Variants in NEU3 observed in about 807,000 individuals in gnomAD.
The protein encoded by NEU3 is sialidase-3.
A neutral mutation model predicts 11.4 loss-of-function variants in NEU3; 10 were observed. The ratio of observed to expected loss-of-function variants is 0.88; its 90% confidence interval spans 0.54 to 1.49. The LOEUF (loss-of-function observed/expected upper bound fraction) is 1.49, where lower values mean the gene tolerates loss of function less well. Ranked by LOEUF, NEU3 falls within the 40% of genes most tolerant of loss-of-function variation. The probability of loss-of-function intolerance (pLI) is 0.00; values close to 1 mark genes in which losing one functional copy is unlikely to be tolerated. For missense variants in NEU3, 529 were observed against 581.8 expected (o/e 0.91, Z 0.93); for synonymous variants, 212 against 228.2 (o/e 0.93, Z 0.64).
rs5792678 is a variant in NEU3 at position 75,008,557 on chromosome 11, C to CT, written c.*2080dup. ...ATGAAAAGAATGAGAATATCAACTT[C>CT]TTTTTTTTTTTTTTTGAGACAGAAT... On this transcript the variant is annotated 3_prime_UTR_variant, in exon 3 of 3. Coordinates refer to ENST00000294064, the MANE Select transcript of NEU3 (RefSeq NM_006656.6). The CT allele has an allele frequency of 2.9e-4, 40 of 140,060 alleles. No individual in the cohort carries two copies. The highest frequency in any genetic ancestry group is 7.2e-4 in the African/African-American group (27 of 37,730). The allele number at this position is 140,060 out of a possible 1,614,324, so 8.7% of individuals were successfully genotyped here.
In NEU3 at chr11:75,005,744, C is replaced by T; in HGVS notation, c.638C>T (p.Thr213Ile). ...QSGRLVIPAYTYYIPSWFFCF... is the reference protein window; with the variant it reads ...QSGRLVIPAYIYYIPSWFFCF... ...GGGAGACTGGTCATCCCTGCGTATA[C>T]CTACTACATCCCTTCCTGGTTCTTT... Residue 213 changes from threonine to isoleucine, a missense_variant, in exon 3 of 3, where the codon ACC (threonine) becomes ATC (isoleucine). Coordinates refer to ENST00000294064, the MANE Select transcript of NEU3 (RefSeq NM_006656.6). 2 of 1,613,868 alleles carry T rather than the reference C, an allele frequency of 1.2e-6. No individual in the cohort carries two copies. The highest frequency in any genetic ancestry group is 1.1e-5 in the South Asian group (1 of 91,082).
chr11:74,994,725 C>T lies in NEU3; in HGVS notation c.306+5C>T, dbSNP rs371432968. ...AGGATTGGGCAGTTGGTACAGGTGACTCTTCATCCCAGATCTGAGTCTGGG... is the reference window on the plus strand; with the variant it reads ...AGGATTGGGCAGTTGGTACAGGTGATTCTTCATCCCAGATCTGAGTCTGGG... On this transcript the variant is annotated splice_donor_5th_base_variant and intron_variant, in intron 2 of 2. Coordinates refer to ENST00000294064, the MANE Select transcript of NEU3 (RefSeq NM_006656.6). The T allele has an allele frequency of 5.9e-4, 949 of 1,612,388 alleles. 2 individuals carry two copies. Among genetic ancestry groups the T allele is most frequent in the Non-Finnish European group, 3.6e-4 (428 of 1,178,394 alleles).
intron 2 of NEU3, chr11:75,004,461 T>TC: frequency 2.1e-6 from 1 of 470,662 alleles, no homozygotes; most frequent in Non-Finnish European, 3.8e-6. Context: ...AACTTTTTTT[T>TC]CTCTTTCTGT....
chr11:74,984,783 T>TA (rs1312983516), upstream of NEU3, among the ~76,000 whole-genome samples: 4 of 152,158 alleles, frequency 2.6e-5, no homozygotes, highest in African/African-American at 7.2e-5. Flanking sequence ...GTCAGACACT[T>TA]AGACAATCTG....
downstream of NEU3, among the ~76,000 whole-genome samples, chr11:75,019,211 C>T (rs1346823116): frequency 6.6e-6 from 1 of 152,190 alleles, no homozygotes; most frequent in African/African-American, 2.4e-5. Flanking sequence ...ATCCCATTTT[C>T]TGAGGAGAAA....
chr11:75,005,170 A>G (rs774589096), intron 2 of NEU3, among the ~76,000 whole-genome samples: 30 of 152,178 alleles, frequency 2.0e-4, no homozygotes, highest in Admixed American at 5.9e-4. Flanking sequence ...TTGGAAGTCT[A>G]GATGAAATGA....
At chr11:74,983,738 A>G (rs1591746074), upstream of NEU3, among the ~76,000 whole-genome samples, 1 of 152,224 alleles carries the variant, frequency 6.6e-6, no homozygotes, top group East Asian at 1.9e-4. Context: ...TTCATTGGCC[A>G]GGGTGGTTAT....
intron 2 of NEU3, among the ~76,000 whole-genome samples, chr11:74,997,930 G>A (rs184221928): frequency 3.4e-4 from 51 of 152,132 alleles, no homozygotes; most frequent in Non-Finnish European, 6.0e-4. Flanking sequence ...CCTAGCTATC[G>A]GCCTGTCTTG....
chr11:75,015,662 A>G (rs891045850), downstream of NEU3, among the ~76,000 whole-genome samples: 4 of 152,076 alleles, frequency 2.6e-5, no homozygotes, highest in African/African-American at 7.2e-5. Context: ...TTACTTCTTC[A>G]TATATTACCT....
upstream of NEU3, among the ~76,000 whole-genome samples, chr11:74,984,602 T>C (rs374590482): frequency 1.4e-4 from 21 of 152,346 alleles, no homozygotes; most frequent in East Asian, 4.0e-3. Flanking sequence ...GGAAGCTCCC[T>C]AACTTCTGTA....
In NEU3 at chr11:74,989,670, T is replaced by C. The variant is rs370911557; in HGVS notation, c.94+516T>C. On this transcript the variant is annotated intron_variant, in intron 1 of 2. Coordinates refer to ENST00000294064, the MANE Select transcript of NEU3 (RefSeq NM_006656.6). ...CCTCCTGGGATTCACTGGAGGCTCA[T>C]TGGGTTAGTTGGAGGCTGTGGAATT... Among the ~76,000 whole-genome samples the C allele has an allele frequency of 7.2e-5, 11 of 152,172 alleles. No homozygotes were observed. In the East Asian group the frequency reaches 1.3e-3, roughly 19 times the overall value.
At chr11:75,005,387 C>T in intron 2 of NEU3, 26 bp from the exon 3 acceptor site, 3 of 1,547,372 alleles carry the variant, frequency 1.9e-6, no homozygotes, top group Non-Finnish European at 2.6e-6. Flanking sequence ...TATCTCACTC[C>T]TACTTTCTCC....
At chr11:74,994,299 G>T (rs1948762795) in intron 1 of NEU3, among the ~76,000 whole-genome samples, 1 of 152,178 alleles carries the variant, frequency 6.6e-6, no homozygotes, top group African/African-American at 2.4e-5. Context: ...CACAGGGTCT[G>T]GAGTTAATGA....
upstream of NEU3, among the ~76,000 whole-genome samples, chr11:74,984,282 A>G (rs764279220): frequency 1.2e-4 from 19 of 152,226 alleles, no homozygotes; most frequent in Non-Finnish European, 1.5e-5. Flanking sequence ...AGAAGGTATC[A>G]GAGCAAAGGG....
In NEU3 at chr11:75,006,492, A is replaced by T. The variant is rs180878536; in HGVS notation, c.1386A>T (p.Ter462TyrextTer3). The change falls in exon 3 of 3, where the codon TAA becomes TAT. Residue 462 changes from the stop codon to tyrosine, a stop_lost. Transcript: ENST00000294064. ...GRNPSQFKSN[*>Y] ...ACCCAAGCCAATTCAAAAGCAATTA[A>T]TTGGCTTAGGACCCAATTTCCATAG... 4.8e-3 allele frequency: 7,675 copies of T among 1,605,452 alleles called. 31 individuals carry two copies. Among genetic ancestry groups the T allele is most frequent in the Non-Finnish European group, 6.0e-3 (7,108 of 1,175,216 alleles).
chr11:75,016,839 C>T (rs996423260), intron 3 of NEU3, among the ~76,000 whole-genome samples: 3 of 152,322 alleles, frequency 2.0e-5, no homozygotes, highest in African/African-American at 7.2e-5. Context: ...TGAGGAAGAT[C>T]TACTTTGCCA....
downstream of NEU3, among the ~76,000 whole-genome samples, chr11:75,013,705 G>A (rs1291543551): frequency 2.0e-5 from 3 of 152,178 alleles, no homozygotes; most frequent in Non-Finnish European, 4.4e-5. Flanking sequence ...AAGAGTACAA[G>A]GGAAATAACA....
At chr11:75,001,965 C>T (rs1484848880) in intron 2 of NEU3, among the ~76,000 whole-genome samples, 3 of 152,190 alleles carry the variant, frequency 2.0e-5, no homozygotes, top group Admixed American at 6.5e-5. Flanking sequence ...AGTTCAAGGA[C>T]GGAATGGTCT....
intron 2 of NEU3, among the ~76,000 whole-genome samples, chr11:75,001,285 C>CTTTTTTTTTTTTTTTTTTTTT (rs775188864): frequency 7.7e-6 from 1 of 130,098 alleles, no homozygotes; most frequent in Non-Finnish European, 1.7e-5. Context: ...TTTTTTTTTT[C>CTTTTTTTTTTTTTTTTTTTTT]TTTTTTTTTT....
Sources: gnomAD v4.1 joint callset for allele counts (sites outside exome capture counted in the v4.1 genomes callset) on GRCh38, gnomAD v4.1.1 for gene constraint, MANE v1.5 for transcripts, NCBI Gene and HGNC (gene_info 2026-07-23, HGNC 2026-07-21) for gene names.